TSPOAP1: variants seen among roughly 807,000 people sequenced by gnomAD.
TSPOAP1 encodes the protein peripheral-type benzodiazepine receptor-associated protein 1.
In TSPOAP1, 87 loss-of-function variants were observed where a neutral mutation model predicts 197.0. The ratio of observed to expected loss-of-function variants is 0.44; its 90% CI spans 0.37 to 0.53. The LOEUF (loss-of-function observed/expected upper bound fraction) is 0.53, where lower values mean the gene tolerates loss of function less well. Among genes scored for constraint, TSPOAP1 ranks in the 20% least tolerant of loss-of-function variants. The pLI, the probability that TSPOAP1 is intolerant of heterozygous loss-of-function variation, is 0.00. For missense variants in TSPOAP1, 2,174 were observed against 2,411.3 expected, an observed-to-expected ratio of 0.90 and a Z score of 2.06; for synonymous variants, 913 against 998.9, an observed-to-expected ratio of 0.91 and a Z score of 1.62.
At position 58,322,741 on chromosome 17, in the gene TSPOAP1, G is replaced by C; in HGVS notation, c.1230C>G (p.Leu410=). ...AGTCCCTCTCCTGTGTCACCCCCAG[G>C]AGCTGGCCCCTCAGCTCCGCATTCT... ...EWENAELRGQ[L]LGVTQERDSA... is the part of the protein sequence containing the mutation. The change falls in exon 9 of 32, where the codon CTC becomes CTG. Residue 410 remains leucine (L), a synonymous_variant. Coordinates refer to ENST00000343736, the MANE Select transcript of TSPOAP1 (RefSeq NM_004758.4). The surrounding 1 kb of genome is among the most constrained non-coding windows in gnomAD (Gnocchi z 5.0). 6.2e-7 allele frequency: 1 copy of C among 1,612,928 alleles called. No homozygotes were observed. The highest frequency in any genetic ancestry group is 8.5e-7 in the Non-Finnish European group (1 of 1,179,996).
At position 58,304,504 on chromosome 17, in the gene TSPOAP1, G is replaced by T; in HGVS notation, c.5545-105C>A. On this transcript the variant is annotated intron_variant, in intron 30 of 31. Coordinates refer to ENST00000343736, the MANE Select transcript of TSPOAP1 (RefSeq NM_004758.4). The surrounding 1 kb of genome is among the most constrained non-coding windows in gnomAD (Gnocchi z 4.2). ...GCAGGGGTGGGCCCTACTCTCCAAG[G>T]CCTTTGTGTTCACACATGGAAGCCC... 2 of 900,472 alleles carry T rather than the reference G, an allele frequency of 2.2e-6. No individual in the cohort carries two copies. The highest frequency in any genetic ancestry group is 3.7e-6 in the Non-Finnish European group (2 of 538,658). The allele number at this position is 900,472 out of a possible 1,614,324, so 55.8% of individuals were successfully genotyped here. A position where few individuals can be genotyped will look rare whatever the true frequency, so the allele number is the denominator to read the frequency against.
chr17:58,325,404 G>A lies in TSPOAP1; in HGVS notation c.750+130C>T, dbSNP rs1971553577. 4.9e-6 allele frequency: 6 copies of A among 1,234,584 alleles called. 1 individual carries two copies. In the South Asian group the frequency reaches 8.5e-5, roughly 18 times the overall value. 76.5% of individuals were successfully genotyped at this position (1,234,584 alleles called of 1,614,324 possible). On this transcript the variant is annotated intron_variant, in intron 4 of 31. Coordinates refer to ENST00000343736, the MANE Select transcript of TSPOAP1 (RefSeq NM_004758.4). ...CTCTCCCACCTGGGCCGTTGCCAGG[G>A]GAACCTACTCCCAGCAACCTCCACC...
At chr17:58,319,347 A>T in intron 12 of TSPOAP1, 53 bp from the exon 13 acceptor site, 1 of 1,517,446 alleles carries the variant, frequency 6.6e-7, no homozygotes. Context: ...ACCCAGTGCC[A>T]GCCCGTGCCA....
Position 58,307,777 on chromosome 17 carries a change from G to C in TSPOAP1, c.4832-15C>G, listed in dbSNP as rs1443771495. On this transcript the variant is annotated splice_polypyrimidine_tract_variant and intron_variant, in intron 23 of 31. Transcript: ENST00000343736. ...CCTCGCAGGGACTGTGGAGACAGTGGAGAGGGCGGTGACGCAGCGAGCTCT... is the reference window on the plus strand; with the variant it reads ...CCTCGCAGGGACTGTGGAGACAGTGCAGAGGGCGGTGACGCAGCGAGCTCT... The C allele has an allele frequency of 6.2e-7, 1 of 1,613,912 alleles. No homozygotes were observed. The highest frequency in any genetic ancestry group is 1.3e-5 in the African/African-American group (1 of 74,922).
In TSPOAP1 at chr17:58,325,724, G is replaced by T. The variant is rs1971571665; in HGVS notation, c.571-11C>A. The T allele has an allele frequency of 6.3e-7, 1 of 1,596,880 alleles. No individual in the cohort carries two copies. The highest frequency in any genetic ancestry group is 1.3e-5 in the African/African-American group (1 of 74,774). ...CAAGGGGGCACTCACCTAGCCAGAG[G>T]AGGGGTAAGGCCAATGGTCACCTGA... On this transcript the variant is annotated splice_polypyrimidine_tract_variant and intron_variant, in intron 3 of 31. Coordinates refer to ENST00000343736, the MANE Select transcript of TSPOAP1 (RefSeq NM_004758.4).
chr17:58,327,535 A>G, intron 1 of TSPOAP1, 53 bp downstream of exon 1: 2 of 1,555,732 alleles, frequency 1.3e-6, no homozygotes, highest in Admixed American at 3.6e-5. Context: ...AGGCTGGAGG[A>G]CATGGTGAGA....
rs910670747 is a variant in TSPOAP1 at position 58,308,771 on chromosome 17, A to G, written c.4501T>C (p.Tyr1501His). The stretch of plus-strand genomic sequence containing the variant: ...GCCTCCTGCTCATCCTCCGAATCAT[A>G]TTCAATGCTGATTTCCAAGCACTTG... ...SPKCLEISIE[Y>H]DSEDEQEAGS... The change falls in exon 22 of 32, where the codon TAT becomes CAT. Residue 1501 changes from tyrosine to histidine, a missense_variant. Tyr to His is a moderately conservative substitution (Grantham distance 83). This residue lies in a region of TSPOAP1 where 1,933 missense variants were observed against 2,139.0 expected (regional missense o/e 0.90). Transcript: ENST00000343736. 6.2e-7 allele frequency: 1 copy of G among 1,613,004 alleles called. No individual in the cohort carries two copies. The highest frequency in any genetic ancestry group is 8.5e-7 in the Non-Finnish European group (1 of 1,179,978).
chr17:58,311,432 A>C, intron 18 of TSPOAP1, 139 bp downstream of exon 18: 1 of 1,330,534 alleles, frequency 7.5e-7, no homozygotes, highest in South Asian at 1.5e-5. Context: ...GCCAAAGCCC[A>C]TGCTCTTAAC....
In TSPOAP1 at chr17:58,318,450, G is replaced by A. The variant is rs1476495415; in HGVS notation, c.1702C>T (p.Leu568Phe). 5.6e-6 allele frequency: 9 copies of A among 1,611,318 alleles called. No homozygotes were observed. The East Asian group carries it at 2.0e-4, about 36-fold the overall frequency. ...QPCRGSGPKD[L>F]DLPPGSPGRC... ...CCAGGGGAGCCCGGCGGGAGGTCAA[G>A]GTCTAAAGAGAAGATGGCACGTGGG... is the stretch of plus-strand genomic sequence containing the variant. The change falls in exon 14 of 32, where the codon CTT (leucine) becomes TTT (phenylalanine). Residue 568 changes from leucine (L) to phenylalanine (F), a missense_variant and splice_region_variant. Transcript: ENST00000343736.
At chr17:58,315,908 G>GATGC in intron 16 of TSPOAP1, 115 bp downstream of exon 16, 1 of 794,172 alleles carries the variant, frequency 1.3e-6, no homozygotes. Context: ...TGGATGGATG[G>GATGC]ATGGATGGAT....
At chr17:58,305,194 A>G in intron 29 of TSPOAP1, 23 bp from the exon 30 acceptor site, 9 of 1,582,526 alleles carry the variant, frequency 5.7e-6, no homozygotes, top group Non-Finnish European at 7.8e-6. Flanking sequence ...GGCCGGTGAG[A>G]CTGAGATCAG....
chr17:58,310,752 C>T lies in TSPOAP1; in HGVS notation c.3460-1G>A. On this transcript the variant is annotated splice_acceptor_variant, in intron 19 of 31. Coordinates refer to ENST00000343736, the MANE Select transcript of TSPOAP1 (RefSeq NM_004758.4). LOFTEE classifies it high-confidence loss of function. Reference sequence around the variant, plus strand: ...CCAGCACTGCTGCCCCAGCCTCCTCCTGGAACAGAGAGCACTGAGGAAGGA... The same window carrying T: ...CCAGCACTGCTGCCCCAGCCTCCTCTTGGAACAGAGAGCACTGAGGAAGGA... 6.2e-7 allele frequency: 1 copy of T among 1,611,188 alleles called. No individual in the cohort carries two copies. The highest frequency in any genetic ancestry group is 8.5e-7 in the Non-Finnish European group (1 of 1,178,616).
intron 10 of TSPOAP1, 68 bp from the exon 11 acceptor site, chr17:58,320,649 G>C (rs752648950): frequency 8.2e-7 from 1 of 1,216,688 alleles, no homozygotes; most frequent in Admixed American, 3.6e-5. Context: ...AGAGGGCTGC[G>C]AGGGAGGAAG....
rs776880373 is a variant in TSPOAP1, at chr17:58,307,851, C to T, written c.4822G>A (p.Ala1608Thr). The T allele has an allele frequency of 2.5e-6, 4 of 1,613,876 alleles. No homozygotes were observed. In the South Asian group the frequency reaches 4.4e-5, roughly 18 times the overall value. ...RGVRVLRPST[A>T]ELVPARSPSE... ...CCCATCAGGTGCTCACCTAGCTCTG[C>T]AGTGCTTGGCCTGAGGACTCGGACA... The change falls in exon 23 of 32, where the codon GCA becomes ACA. Residue 1608 changes from alanine to threonine, a missense_variant. Ala to Thr is a moderately conservative substitution (Grantham distance 58). Around this residue, in one of 5 missense-constraint regions of TSPOAP1, gnomAD observed 1,933 missense variants for 2,139.0 expected, o/e 0.90. Coordinates refer to ENST00000343736, the MANE Select transcript of TSPOAP1 (RefSeq NM_004758.4).
At chr17:58,313,828 G>A (rs1477542172) in intron 16 of TSPOAP1, among the ~76,000 whole-genome samples, 1 of 152,176 alleles carries the variant, frequency 6.6e-6, no homozygotes, top group Non-Finnish European at 1.5e-5. Context: ...AGCCCCAGCA[G>A]GCCTGTGTCT....
In TSPOAP1 at chr17:58,309,851, C is replaced by A; in HGVS notation, c.3891+116G>T. The A allele has an allele frequency of 7.3e-7, 1 of 1,365,028 alleles. No homozygotes were observed. The allele number at this position is 1,365,028 out of a possible 1,614,324, so 84.6% of individuals were successfully genotyped here. A position where few individuals can be genotyped will look rare whatever the true frequency, so the allele number is the denominator to read the frequency against. ...TCTTCTGCTTAGGACAGGGCCCAGGCCACAGACCTAGAATGTTTCTGGCAC... is the reference window on the plus strand; with the variant it reads ...TCTTCTGCTTAGGACAGGGCCCAGGACACAGACCTAGAATGTTTCTGGCAC... On this transcript the variant is annotated intron_variant, in intron 21 of 31. Transcript: ENST00000343736. The surrounding 1 kb of genome is among the most constrained non-coding windows in gnomAD (Gnocchi z 5.0).
rs976461571 is a variant in TSPOAP1 at position 58,324,159 on chromosome 17, C to G, written c.943-614G>C. On this transcript the variant is annotated intron_variant, in intron 5 of 31. Coordinates refer to ENST00000343736, the MANE Select transcript of TSPOAP1 (RefSeq NM_004758.4). The surrounding 1 kb of genome is among the most constrained non-coding windows in gnomAD (Gnocchi z 5.8). Reference sequence around the variant, plus strand: ...CAAAATCTGAGCAAGAAGCCTCCCCCCACCCGGAGGTCTTGGTCACTATCA... The same window carrying G: ...CAAAATCTGAGCAAGAAGCCTCCCCGCACCCGGAGGTCTTGGTCACTATCA... Among the ~76,000 whole-genome samples the G allele has an allele frequency of 5.3e-5, 8 of 152,226 alleles. No homozygotes were observed. Among genetic ancestry groups the G allele is most frequent in the African/African-American group, 1.4e-4 (6 of 41,464 alleles).
rs927997430 is a variant in TSPOAP1, at chr17:58,307,067, T to G, written c.4984-99A>C. The G allele has an allele frequency of 5.5e-5, 72 of 1,312,142 alleles. No homozygotes were observed. In the East Asian group the frequency reaches 1.7e-3, roughly 31 times the overall value. The allele number at this position is 1,312,142 out of a possible 1,614,324, so 81.3% of individuals were successfully genotyped here. On this transcript the variant is annotated intron_variant, in intron 24 of 31. Coordinates refer to ENST00000343736, the MANE Select transcript of TSPOAP1 (RefSeq NM_004758.4). ...CCCCACTTGGAAATGCAGAAGAATGTTCTCCCTTTTGTATGCCATGAAATG... is the reference window on the plus strand; with the variant it reads ...CCCCACTTGGAAATGCAGAAGAATGGTCTCCCTTTTGTATGCCATGAAATG...
rs2143119360 is a variant in TSPOAP1 at position 58,322,699 on chromosome 17, G to A, written c.1272C>T (p.Ser424=). Residue 424 remains serine (S), a synonymous_variant, in exon 9 of 32, where the codon AGC becomes AGT. Transcript: ENST00000343736. This position sits in a 1 kb window ranked among gnomAD's most constrained non-coding sequence, Gnocchi z 5.0. ...TQERDSALRK[S]QGLQSKLESL... is the part of the protein sequence containing the mutation. ...TCTCCAGCTTGCTCTGCAGGCCCTG[G>A]CTCTTGCGAAGGGCTGAGTCCCTCT... 1 of 1,612,318 alleles carries A rather than the reference G, an allele frequency of 6.2e-7. No individual in the cohort carries two copies. Among genetic ancestry groups the A allele is most frequent in the Non-Finnish European group, 8.5e-7 (1 of 1,179,986 alleles).
Sources: gnomAD v4.1 joint callset for allele counts (sites outside exome capture counted in the v4.1 genomes callset) on GRCh38, gnomAD v4.1.1 for gene constraint, gnomAD v4.1.1 regional missense constraint, Gnocchi (gnomAD v3.1) non-coding constraint, MANE v1.5 for transcripts, NCBI Gene and HGNC (gene_info 2026-07-23, HGNC 2026-07-21) for gene names.